The following PLXNA4 variants were observed in gnomAD, a reference collection of about 807,000 sequenced individuals.
PLXNA4 encodes the protein plexin-A4.
PLXNA4 carries 44 observed loss-of-function variants against 191.8 expected under a neutral mutation model. The ratio of observed to expected loss-of-function variants is 0.23; its 90% confidence interval spans 0.18 to 0.29. PLXNA4 has a LOEUF of 0.29. Ranked by LOEUF, PLXNA4 falls within the 10% of genes least tolerant of loss-of-function variation. PLXNA4 has a pLI of 1.00. For synonymous variants in PLXNA4, 1,082 were observed against 1,009.5 expected, an observed-to-expected ratio of 1.07 and a Z score of -1.36; for missense variants, 1,800 against 2,488.8, an observed-to-expected ratio of 0.72 and a Z score of 5.89.
At chr7:132,629,999 A>G (rs1034058303) in intron 2 of PLXNA4, among the ~76,000 whole-genome samples, 6 of 151,928 alleles carry the variant, frequency 3.9e-5, no homozygotes, top group African/African-American at 1.5e-4. Context: ...ACAGGTGCCC[A>G]CCACCACGCC....
chr7:132,312,270 G>A (rs934382227), intron 3 of PLXNA4, among the ~76,000 whole-genome samples: 4 of 152,074 alleles, frequency 2.6e-5, no homozygotes, highest in Admixed American at 6.6e-5. Flanking sequence ...CATTCTCTCC[G>A]TCACTGGCCA....
In PLXNA4 at chr7:132,233,613, G is replaced by A. The variant is rs77175755; in HGVS notation, c.1605-5144C>T. ...TCCAAAATTAACCTAAGAAGCAGCT[G>A]AATCAGATTTACCCATGCATCCCCT... On this transcript the variant is annotated intron_variant, in intron 5 of 31. Coordinates refer to ENST00000321063, the MANE Select transcript of PLXNA4 (RefSeq NM_020911.2). 1.1e-3 allele frequency among the ~76,000 whole-genome samples: 172 copies of A among 152,346 alleles called. 5 individuals carry two copies. In the East Asian group the frequency reaches 0.033, roughly 29 times the overall value.
intron 14 of PLXNA4, among the ~76,000 whole-genome samples, chr7:132,189,309 A>G (rs1039323765): frequency 3.9e-5 from 6 of 152,010 alleles, no homozygotes; most frequent in African/African-American, 1.4e-4. Context: ...TATTCAAGCC[A>G]TGCTTCATAA....
intron 14 of PLXNA4, among the ~76,000 whole-genome samples, chr7:132,191,377 GC>G (rs1797081470): frequency 6.6e-6 from 1 of 152,190 alleles, no homozygotes; most frequent in African/African-American, 2.4e-5. Context: ...ATGGGAATAG[GC>G]AAGAGAGGAG....
At chr7:132,289,628 A>G (rs1030510076) in intron 4 of PLXNA4, among the ~76,000 whole-genome samples, 3 of 151,774 alleles carry the variant, frequency 2.0e-5, no homozygotes, top group Non-Finnish European at 2.9e-5. Flanking sequence ...AACCTCCTAG[A>G]TTCAAATAAT....
chr7:132,467,422 C>T (rs1260024884), intron 3 of PLXNA4, among the ~76,000 whole-genome samples: 6 of 152,124 alleles, frequency 3.9e-5, no homozygotes, highest in Admixed American at 3.3e-4. Flanking sequence ...AAGACCTTGG[C>T]CTTGTTACTA....
intron 1 of PLXNA4, among the ~76,000 whole-genome samples, chr7:132,563,138 T>C (rs1353071327): frequency 1.2e-3 from 53 of 45,312 alleles, no homozygotes; most frequent in East Asian, 2.7e-3. Flanking sequence ...TCCTCCTCCT[T>C]CTCCTCTTCC....
chr7:132,316,037 T>C (rs971369026), intron 3 of PLXNA4, among the ~76,000 whole-genome samples: 1 of 152,218 alleles, frequency 6.6e-6, no homozygotes, highest in Non-Finnish European at 1.5e-5. Context: ...GGAACTGATA[T>C]GATCTGACTT....
intron 3 of PLXNA4, among the ~76,000 whole-genome samples, chr7:132,422,530 G>GCTAATA (rs1563089873): frequency 6.6e-6 from 1 of 152,152 alleles, no homozygotes; most frequent in African/African-American, 2.4e-5. Context: ...ATGCTAATAG[G>GCTAATA]GGCCATCGTA....
At chr7:132,349,260 T>C (rs577365381) in intron 3 of PLXNA4, among the ~76,000 whole-genome samples, 32 of 152,240 alleles carry the variant, frequency 2.1e-4, no homozygotes, top group African/African-American at 7.7e-4. Flanking sequence ...GTGCTATGTA[T>C]AGAAGCCACG....
At chr7:132,625,066 T>C (rs1803344497) in intron 2 of PLXNA4, among the ~76,000 whole-genome samples, 1 of 152,234 alleles carries the variant, frequency 6.6e-6, no homozygotes, top group Admixed American at 6.5e-5. Flanking sequence ...TTATTTGGCC[T>C]TCACGATTTT....
At chr7:132,457,168 T>G (rs1219189624) in intron 3 of PLXNA4, among the ~76,000 whole-genome samples, 1 of 152,258 alleles carries the variant, frequency 6.6e-6, no homozygotes, top group Non-Finnish European at 1.5e-5. Flanking sequence ...CGTGTAACCA[T>G]GGTACAATTA....
chr7:132,224,905 T>C (rs1016984504), intron 8 of PLXNA4, among the ~76,000 whole-genome samples: 5 of 152,182 alleles, frequency 3.3e-5, no homozygotes, highest in Admixed American at 6.5e-5. Context: ...CTACCTATCA[T>C]GCATGGAGGG....
intron 3 of PLXNA4, among the ~76,000 whole-genome samples, chr7:132,319,183 C>T (rs1435334511): frequency 6.6e-6 from 1 of 152,172 alleles, no homozygotes; most frequent in Non-Finnish European, 1.5e-5. Context: ...GTTTCCTAAG[C>T]ACATGCAGCA....
At position 132,582,799 on chromosome 7, in the gene PLXNA4, T is replaced by G. The variant is rs80128788; in HGVS notation, c.-87+63129A>C. Among the ~76,000 whole-genome samples the G allele has an allele frequency of 1.9e-3, 294 of 152,334 alleles. 4 individuals carry two copies. In the East Asian group the frequency reaches 0.039, roughly 20 times the overall value. ...ACAGTGATTTGCAGGGAAGATATCA[T>G]TCCTCTGACCTTGACCTCATTAACC... On this transcript the variant is annotated intron_variant, in intron 2 of 4. Coordinates refer to the PLXNA4 transcript ENST00000378539.
At chr7:132,158,394 TCC>T (rs1795853931) in intron 25 of PLXNA4, among the ~76,000 whole-genome samples, 1 of 152,126 alleles carries the variant, frequency 6.6e-6, no homozygotes, top group Admixed American at 6.5e-5. Context: ...TGAGGGGTCC[TCC>T]CACCACTATG....
intron 1 of PLXNA4, among the ~76,000 whole-genome samples, chr7:132,565,507 A>G (rs1801680448): frequency 6.6e-6 from 1 of 152,184 alleles, no homozygotes; most frequent in Non-Finnish European, 1.5e-5. Context: ...CTGCAACACG[A>G]CAGTCTTGCA....
chr7:132,613,991 C>A (rs1337542122), intron 2 of PLXNA4, among the ~76,000 whole-genome samples: 1 of 152,074 alleles, frequency 6.6e-6, no homozygotes, highest in Non-Finnish European at 1.5e-5. Flanking sequence ...GATGGGGAGA[C>A]CTTCTGGAGG....
intron 3 of PLXNA4, among the ~76,000 whole-genome samples, chr7:132,400,052 C>A (rs940426540): frequency 6.6e-6 from 1 of 152,108 alleles, no homozygotes; most frequent in Admixed American, 6.5e-5. Context: ...AACTTCCTCC[C>A]TTACCCCACG....
Sources: gnomAD v4.1 joint callset for allele counts (sites outside exome capture counted in the v4.1 genomes callset) on GRCh38, gnomAD v4.1.1 for gene constraint, MANE v1.5 for transcripts, NCBI Gene and HGNC (gene_info 2026-07-23, HGNC 2026-07-21) for gene names.